ACTR3: variants seen among roughly 807,000 people sequenced by gnomAD.
The protein encoded by ACTR3 is actin-related protein 3.
Under a neutral mutation model 56.8 loss-of-function variants are expected in ACTR3, and 12 were observed. The observed-to-expected ratio is 0.21, with a 90% CI of 0.14 to 0.34. The LOEUF is 0.34. ACTR3 is among the 10% of genes least tolerant of loss of function. The pLI is 1.00. For missense variants in ACTR3, 282 were observed against 512.5 expected, an observed-to-expected ratio of 0.55 and a Z score of 4.34; for synonymous variants, 162 against 167.4, an observed-to-expected ratio of 0.97 and a Z score of 0.25.
chr2:113,953,142 CAA>C (rs1680148632), intron 10 of ACTR3: 1 of 152,074 alleles, frequency 6.6e-6, no homozygotes, highest in Admixed American at 6.6e-5. Context: ...AAGTACAAAA[CAA>C]TGCTGTATGT....
intron 6 of ACTR3, among the ~76,000 whole-genome samples, chr2:113,937,663 A>G (rs189465641): frequency 1.2e-4 from 18 of 152,166 alleles, no homozygotes; most frequent in African/African-American, 4.1e-4. Flanking sequence ...ATGTCACTCC[A>G]CTGTCTTCTG....
At chr2:113,907,299 T>G (rs1679213422) in intron 1 of ACTR3, among the ~76,000 whole-genome samples, 1 of 152,178 alleles carries the variant, frequency 6.6e-6, no homozygotes. Context: ...AAAGACGGGG[T>G]CTTGCTCTGT....
At chr2:113,927,307 A>T in intron 3 of ACTR3, 38 bp from the exon 4 acceptor site, 1 of 1,346,342 alleles carries the variant, frequency 7.4e-7, no homozygotes, top group East Asian at 2.4e-5. Context: ...TTTTATATTA[A>T]TAAGATTTAA....
chr2:113,934,194 A>G (rs1306176214), intron 5 of ACTR3, 85 bp from the exon 6 acceptor site: 1 of 820,342 alleles, frequency 1.2e-6, no homozygotes, highest in Non-Finnish European at 2.0e-6. Context: ...ACTCCAGGGA[A>G]CTAGTTTTTT....
At chr2:113,938,922 G>A (rs1679875434) in intron 6 of ACTR3, among the ~76,000 whole-genome samples, 1 of 152,076 alleles carries the variant, frequency 6.6e-6, no homozygotes, top group African/African-American at 2.4e-5. Context: ...ACTCTCCCTA[G>A]GCAGTAGGAT....
At chr2:113,907,975 CCAAAAAAAAAA>C (rs1679229476) in intron 1 of ACTR3, among the ~76,000 whole-genome samples, 1 of 122,236 alleles carries the variant, frequency 8.2e-6, no homozygotes. Flanking sequence ...ACTCTGTCCC[CCAAAAAAAAAA>C]AAAAAAAAAA....
chr2:113,915,400 A>G (rs776149845), intron 2 of ACTR3, among the ~76,000 whole-genome samples: 1 of 152,154 alleles, frequency 6.6e-6, no homozygotes, highest in Non-Finnish European at 1.5e-5. Context: ...CTATGAGGAC[A>G]CTAGTCATAT....
At chr2:113,924,557 G>A (rs1377776370) in intron 3 of ACTR3, among the ~76,000 whole-genome samples, 1 of 152,064 alleles carries the variant, frequency 6.6e-6, no homozygotes, top group African/African-American at 2.4e-5. Context: ...TTTCTCTGCT[G>A]TTTTATTTCT....
chr2:113,891,897 A>G (rs1678909150), intron 1 of ACTR3, among the ~76,000 whole-genome samples: 1 of 151,860 alleles, frequency 6.6e-6, no homozygotes, highest in African/African-American at 2.4e-5. Flanking sequence ...AATTTTTTTT[A>G]TTTCTCCCTT....
chr2:113,924,098 A>T (rs1384146526), intron 3 of ACTR3, among the ~76,000 whole-genome samples: 4 of 138,480 alleles, frequency 2.9e-5, no homozygotes, highest in Non-Finnish European at 6.1e-5. Context: ...CCTGTTGCCC[A>T]TGTTGGAATG....
intron 1 of ACTR3, among the ~76,000 whole-genome samples, chr2:113,903,375 G>C (rs1344922355): frequency 1.3e-5 from 2 of 151,862 alleles, no homozygotes; most frequent in Non-Finnish European, 2.9e-5. Context: ...CTTTTTATTT[G>C]TTTGTTTCTG....
intron 5 of ACTR3, 47 bp from the exon 6 acceptor site, chr2:113,934,232 G>GTTTTTTTTTTTTTTTTTTTTTGTT: frequency 1.0e-6 from 1 of 954,518 alleles, no homozygotes. Flanking sequence ...TTGTTTTTTT[G>GTTTTTTTTTTTTTTTTTTTTTGTT]TTTTTTTTTT....
intron 6 of ACTR3, among the ~76,000 whole-genome samples, chr2:113,939,663 C>A (rs1679890063): frequency 6.6e-6 from 1 of 152,168 alleles, no homozygotes; most frequent in Non-Finnish European, 1.5e-5. Context: ...ATAGTACCAT[C>A]TGATATAAAG....
At position 113,960,538 on chromosome 2, in the gene ACTR3, T is replaced by C. The variant is rs1680307530; in HGVS notation, c.*3083T>C. 1 of 152,046 alleles carries C rather than the reference T, an allele frequency of 6.6e-6. No homozygotes were observed. Among genetic ancestry groups the C allele is most frequent in the African/African-American group, 2.4e-5 (1 of 41,452 alleles). The allele number at this position is 152,046 out of a possible 1,614,324, so 9.4% of individuals were successfully genotyped here. On this transcript the variant is annotated 3_prime_UTR_variant, in exon 12 of 12. Transcript: ENST00000263238. ...TTCTTTCAGATAACCCTAAAGATGA[T>C]ACTAGAATGTTTATAAAATTATTGA...
In ACTR3 at chr2:113,916,966, C is replaced by T; in HGVS notation, c.183C>T (p.Phe61=). The change falls in exon 3 of 12, where the codon TTC becomes TTT. Residue 61 remains phenylalanine, a synonymous_variant. Transcript: ENST00000263238. ...VMKGVDDLDF[F]IGDEAIEKPT... ...AAGGTGTTGATGACCTAGACTTCTT[C>T]ATTGGTGATGAAGCAATAGAAAAAC... is the stretch of plus-strand genomic sequence containing the variant. 6.2e-7 allele frequency: 1 copy of T among 1,609,630 alleles called. No individual in the cohort carries two copies. The highest frequency in any genetic ancestry group is 8.5e-7 in the Non-Finnish European group (1 of 1,177,406).
intron 1 of ACTR3, among the ~76,000 whole-genome samples, chr2:113,907,120 G>T (rs1225820757): frequency 6.6e-6 from 1 of 152,298 alleles, no homozygotes; most frequent in Middle Eastern, 3.4e-3. Flanking sequence ...AAGAAAAAAT[G>T]AAGCCATTTA....
At chr2:113,915,877 A>G in intron 2 of ACTR3, among the ~76,000 whole-genome samples, 1 of 152,186 alleles carries the variant, frequency 6.6e-6, no homozygotes, top group East Asian at 1.9e-4. Context: ...CTGCAGGTAC[A>G]GTGTTTATAA....
chr2:113,943,704 C>G (rs1679965122), intron 8 of ACTR3, among the ~76,000 whole-genome samples: 1 of 152,130 alleles, frequency 6.6e-6, no homozygotes, highest in South Asian at 2.1e-4. Flanking sequence ...TGTGATAATT[C>G]ACAGGTTTGT....
In ACTR3 at chr2:113,961,701, T is replaced by C. The variant is rs1486910913; in HGVS notation, c.*4246T>C. 1 of 151,994 alleles carries C rather than the reference T, an allele frequency of 6.6e-6. No homozygotes were observed. Among genetic ancestry groups the C allele is most frequent in the Non-Finnish European group, 1.5e-5 (1 of 67,868 alleles). 9.4% of individuals were successfully genotyped at this position (151,994 alleles called of 1,614,324 possible). A position where few individuals can be genotyped will look rare whatever the true frequency, so the allele number is the denominator to read the frequency against. ...ATAAAGATGAATAAATATTCTGTCCTTGGCTTAGTCTAATAGTAAAGGCAC... is the reference window on the plus strand; with the variant it reads ...ATAAAGATGAATAAATATTCTGTCCCTGGCTTAGTCTAATAGTAAAGGCAC... On this transcript the variant is annotated 3_prime_UTR_variant, in exon 12 of 12. Transcript: ENST00000263238.
Sources: allele counts gnomAD v4.1 joint callset (sites outside exome capture counted in the v4.1 genomes callset), GRCh38; gene constraint gnomAD v4.1.1; transcripts MANE v1.5; gene names NCBI Gene and HGNC (gene_info 2026-07-23, HGNC 2026-07-21).